The following SRL variants were observed in gnomAD, a reference collection of about 807,000 sequenced individuals.
SRL encodes sarcalumenin.
SRL carries 23 observed loss-of-function variants against 39.5 expected under a neutral mutation model. That is an observed-to-expected ratio of 0.58 (90% CI 0.42 to 0.82). The LOEUF (loss-of-function observed/expected upper bound fraction) is 0.82. Ranked by LOEUF, SRL falls within the 40% of genes least tolerant of loss-of-function variation. The probability of loss-of-function intolerance (pLI) is 0.00; values close to 1 mark genes in which losing one functional copy is unlikely to be tolerated. For missense variants in SRL, 592 were observed against 607.8 expected (o/e 0.97, Z 0.27); for synonymous variants, 272 against 237.4 (o/e 1.15, Z -1.34).
At chr16:4,205,805 G>T (rs1384462489) in intron 1 of SRL, among the ~76,000 whole-genome samples, 4 of 152,102 alleles carry the variant, frequency 2.6e-5, no homozygotes, top group Admixed American at 2.6e-4. Context: ...TAGCGTGATA[G>T]TGCATGCCTG....
intron 1 of SRL, among the ~76,000 whole-genome samples, chr16:4,222,122 C>T (rs1346743596): frequency 6.6e-6 from 1 of 152,210 alleles, no homozygotes; most frequent in Non-Finnish European, 1.5e-5. Flanking sequence ...ACCTGCCTAA[C>T]CCACTGCCAC....
chr16:4,206,534 C>G (rs1357509980), intron 1 of SRL, among the ~76,000 whole-genome samples: 1 of 151,820 alleles, frequency 6.6e-6, no homozygotes, highest in Non-Finnish European at 1.5e-5. Flanking sequence ...CCTCTGACCC[C>G]TCTCACTGGC....
At chr16:4,218,974 G>A (rs542375205) in intron 1 of SRL, among the ~76,000 whole-genome samples, 1 of 152,404 alleles carries the variant, frequency 6.6e-6, no homozygotes, top group African/African-American at 2.4e-5. Flanking sequence ...CCCAGAGGGT[G>A]TCACCGAATC....
intron 1 of SRL, among the ~76,000 whole-genome samples, chr16:4,225,024 C>T (rs1303228588): frequency 1.3e-5 from 2 of 152,178 alleles, no homozygotes; most frequent in African/African-American, 4.8e-5. Flanking sequence ...TCCATTTATA[C>T]GAAAGTCCAG....
chr16:4,237,388 C>T (rs2141072682), intron 1 of SRL, among the ~76,000 whole-genome samples: 1 of 152,304 alleles, frequency 6.6e-6, no homozygotes. Flanking sequence ...GGATTCTACA[C>T]CAGCTGTCAG....
intron 1 of SRL, among the ~76,000 whole-genome samples, chr16:4,216,368 T>C (rs561543214): frequency 3.3e-5 from 5 of 152,258 alleles, no homozygotes; most frequent in South Asian, 4.2e-4. Context: ...GCCTCCTAGA[T>C]TCAAGCGATT....
chr16:4,211,580 A>G (rs1430006333), intron 1 of SRL, among the ~76,000 whole-genome samples: 1 of 142,388 alleles, frequency 7.0e-6, no homozygotes, highest in African/African-American at 2.8e-5. Flanking sequence ...GATGATGATG[A>G]TGGTGATGAT....
Position 4,191,406 on chromosome 16 carries a change from A to C in SRL, c.*747T>G, listed in dbSNP as rs2141243243. The C allele has an allele frequency of 6.6e-6, 1 of 152,516 alleles. No homozygotes were observed. The highest frequency in any genetic ancestry group is 1.9e-4 in the East Asian group (1 of 5,184). The allele number at this position is 152,516 out of a possible 1,614,324, so 9.4% of individuals were successfully genotyped here. ...GGCGGGTGGATCACTTGAGGTCAGG[A>C]GTTCGAGGCCAGCCTGGGCAACATG... is the stretch of plus-strand genomic sequence containing the variant. On this transcript the variant is annotated 3_prime_UTR_variant, in exon 6 of 6. Transcript: ENST00000399609.
chr16:4,238,137 T>C (rs988775215), intron 1 of SRL, among the ~76,000 whole-genome samples: 5 of 152,144 alleles, frequency 3.3e-5, no homozygotes, highest in Non-Finnish European at 7.4e-5. Flanking sequence ...ATACGAGCGA[T>C]GTTTACAGGT....
At chr16:4,225,805 G>A (rs1173408474) in intron 1 of SRL, among the ~76,000 whole-genome samples, 1 of 151,776 alleles carries the variant, frequency 6.6e-6, no homozygotes, top group Non-Finnish European at 1.5e-5. Context: ...AGCAACAGGA[G>A]ACCCCCACTC....
At chr16:4,207,699 T>C in intron 1 of SRL, 1 of 415,738 alleles carries the variant, frequency 2.4e-6, no homozygotes, top group Non-Finnish European at 4.8e-6. Flanking sequence ...AGTCTCCTCC[T>C]CTCCTTGTCC....
intron 1 of SRL, among the ~76,000 whole-genome samples, chr16:4,224,146 GGAGA>G (rs934644367): frequency 3.3e-5 from 5 of 151,978 alleles, no homozygotes; most frequent in African/African-American, 1.2e-4. Flanking sequence ...AGAGGAGGAG[GGAGA>G]GAGAGAGGAG....
At chr16:4,231,185 G>A (rs546673944) in intron 1 of SRL, among the ~76,000 whole-genome samples, 1 of 152,276 alleles carries the variant, frequency 6.6e-6, no homozygotes, top group East Asian at 1.9e-4. Context: ...GCATGGTGGT[G>A]CATGCCTATA....
At chr16:4,229,768 C>T (rs1241580887) in intron 1 of SRL, among the ~76,000 whole-genome samples, 1 of 152,068 alleles carries the variant, frequency 6.6e-6, no homozygotes, top group Admixed American at 6.6e-5. Flanking sequence ...CACACGTCCC[C>T]CCTGAATCTA....
At chr16:4,232,490 G>A (rs1236778914) in intron 1 of SRL, among the ~76,000 whole-genome samples, 4 of 151,998 alleles carry the variant, frequency 2.6e-5, no homozygotes, top group Non-Finnish European at 5.9e-5. Context: ...GCTTGGTCAA[G>A]CCTTTACCTA....
At chr16:4,204,343 CT>C (rs2052281882) in intron 2 of SRL, among the ~76,000 whole-genome samples, 189 bp downstream of exon 2, 2 of 91,730 alleles carry the variant, frequency 2.2e-5, no homozygotes, top group South Asian at 7.4e-4. Context: ...ACAGAGCCTC[CT>C]CCACGAAGCC....
At chr16:4,209,437 T>G (rs1279276568) in intron 1 of SRL, among the ~76,000 whole-genome samples, 1 of 152,028 alleles carries the variant, frequency 6.6e-6, no homozygotes, top group Non-Finnish European at 1.5e-5. Flanking sequence ...CTTCCTTGAC[T>G]CTCAAGGCCC....
At chr16:4,201,569 G>GCCCGGCCA (rs1329612266) in intron 3 of SRL, among the ~76,000 whole-genome samples, 2 of 137,768 alleles carry the variant, frequency 1.5e-5, no homozygotes, top group Non-Finnish European at 3.1e-5. Flanking sequence ...GAGCCACTGT[G>GCCCGGCCA]CCCGGCCATC....
Position 4,190,566 on chromosome 16 carries a change from G to GTGCATGCTAGCCT in SRL, c.*1574_*1586dup, listed in dbSNP as rs1407047146. ...GCTCCCCACCACCTGCTGTGGAGCCGTGCATGCTAGCCTTGCAAGACTGTT... is the reference window on the plus strand; with the variant it reads ...GCTCCCCACCACCTGCTGTGGAGCCGTGCATGCTAGCCTTGCATGCTAGCCTTGCAAGACTGTT... On this transcript the variant is annotated 3_prime_UTR_variant, in exon 6 of 6. Transcript: ENST00000399609. 5 of 398,344 alleles carry GTGCATGCTAGCCT rather than the reference G, an allele frequency of 1.3e-5. No individual in the cohort carries two copies. The highest frequency in any genetic ancestry group is 4.4e-5 in the Admixed American group (1 of 22,716). The allele number at this position is 398,344 out of a possible 1,614,324, so 24.7% of individuals were successfully genotyped here.
Sources: gnomAD v4.1 joint callset for allele counts (sites outside exome capture counted in the v4.1 genomes callset) on GRCh38, gnomAD v4.1.1 for gene constraint, MANE v1.5 for transcripts, NCBI Gene and HGNC (gene_info 2026-07-23, HGNC 2026-07-21) for gene names.